Variants in OPA1 observed in about 807,000 individuals in gnomAD.
OPA1 encodes the protein dynamin-like GTPase OPA1, mitochondrial.
A neutral mutation model predicts 152.9 loss-of-function variants in OPA1; 59 were observed. That is an observed-to-expected ratio of 0.39 (90% CI 0.31 to 0.48). OPA1 has a LOEUF of 0.48. OPA1 is among the 20% of genes least tolerant of loss of function. OPA1 has a pLI of 0.96. For missense variants in OPA1, 1,008 were observed against 1,216.8 expected (o/e 0.83, Z 2.55); for synonymous variants, 400 against 389.9 (o/e 1.03, Z -0.31).
Position 193,692,566 on chromosome 3 carries a change from CTT to C in OPA1, c.*5+437_*5+438del, listed in dbSNP as rs546106450. 4.5e-3 allele frequency among the ~76,000 whole-genome samples: 683 copies of C among 152,232 alleles called. 1 individual carries two copies. The highest frequency in any genetic ancestry group is 6.3e-3 in the Non-Finnish European group (425 of 67,994). On this transcript the variant is annotated intron_variant, in intron 30 of 30. Coordinates refer to ENST00000361510, the MANE Select transcript of OPA1 (RefSeq NM_130837.3). ...TAATAATTGTTCTTAATCCTTATCT[CTT>C]TTGTTTAAAAACATTTAGATAAGTG... is the stretch of plus-strand genomic sequence containing the variant.
chr3:193,640,221 T>C (rs1733560714), intron 11 of OPA1, among the ~76,000 whole-genome samples: 1 of 152,018 alleles, frequency 6.6e-6, no homozygotes, highest in African/African-American at 2.4e-5. Flanking sequence ...TGAGTAGAGA[T>C]AGAGAAAACA....
In OPA1 at chr3:193,611,865, A is replaced by G. The variant is rs185101344; in HGVS notation, c.33-2858A>G. The stretch of plus-strand genomic sequence containing the variant: ...CTTTTCTTTTTTTTTTGCTTACAAG[A>G]TTGTATGATGGACCAATTTTTTGTG... On this transcript the variant is annotated intron_variant, in intron 1 of 30. Coordinates refer to ENST00000361510, the MANE Select transcript of OPA1 (RefSeq NM_130837.3). 4.2e-3 allele frequency among the ~76,000 whole-genome samples: 639 copies of G among 151,098 alleles called. 1 individual carries two copies. The highest frequency in any genetic ancestry group is 6.7e-3 in the Non-Finnish European group (453 of 67,834).
Position 193,657,250 on chromosome 3 carries a change from TG to T in OPA1, c.2331+22del. On this transcript the variant is annotated intron_variant, in intron 23 of 30. Coordinates refer to ENST00000361510, the MANE Select transcript of OPA1 (RefSeq NM_130837.3). ...ACAGCTTGGTATGTTGTTTGTATAC[TG>T]GGGTATCAGCCTCATATTTTTATAT... The T allele has an allele frequency of 6.2e-7, 1 of 1,612,922 alleles. No individual in the cohort carries two copies. Among genetic ancestry groups the T allele is most frequent in the South Asian group, 1.1e-5 (1 of 91,002 alleles).
intron 29 of OPA1, among the ~76,000 whole-genome samples, chr3:193,679,531 G>T (rs1318875832): frequency 1.3e-5 from 2 of 152,098 alleles, no homozygotes; most frequent in Non-Finnish European, 2.9e-5. Flanking sequence ...TGACATAAAT[G>T]GTTAAGCCCA....
chr3:193,639,335 GT>G (rs781547168), intron 11 of OPA1, among the ~76,000 whole-genome samples: 2 of 152,214 alleles, frequency 1.3e-5, no homozygotes, highest in Non-Finnish European at 2.9e-5. Flanking sequence ...AGGCAATAGT[GT>G]TGTACAACAA....
At chr3:193,661,401 A>G (rs1180612245) in intron 25 of OPA1, among the ~76,000 whole-genome samples, 1 of 152,176 alleles carries the variant, frequency 6.6e-6, no homozygotes, top group Admixed American at 6.5e-5. Flanking sequence ...CATTGAGTCA[A>G]GCTCTCCTTC....
At position 193,688,719 on chromosome 3, in the gene OPA1, C is replaced by T. The variant is rs538203625; in HGVS notation, c.2984-3344C>T. Reference sequence around the variant, plus strand: ...AGCAGACTGGGTGTAGTAGCTCACGCCCTGTAATTCCAGCAGTTTGTGAAG... The same window carrying T: ...AGCAGACTGGGTGTAGTAGCTCACGTCCTGTAATTCCAGCAGTTTGTGAAG... On this transcript the variant is annotated intron_variant, in intron 29 of 30. Coordinates refer to ENST00000361510, the MANE Select transcript of OPA1 (RefSeq NM_130837.3). 9.9e-5 allele frequency among the ~76,000 whole-genome samples: 15 copies of T among 152,066 alleles called. No individual in the cohort carries two copies. The East Asian group carries it at 2.7e-3, about 27-fold the overall frequency.
intron 25 of OPA1, among the ~76,000 whole-genome samples, chr3:193,661,473 A>G (rs1715251225): frequency 2.0e-5 from 3 of 152,164 alleles, no homozygotes; most frequent in Non-Finnish European, 4.4e-5. Context: ...TCATACCTGG[A>G]GGTTACAGTG....
At chr3:193,659,035 T>TG (rs769232513) in intron 24 of OPA1, 40 bp downstream of exon 24, 38 of 1,359,112 alleles carry the variant, frequency 2.8e-5, no homozygotes, top group Non-Finnish European at 3.8e-5. Flanking sequence ...GAGTTCACAG[T>TG]GGTGAAGGAG....
intron 1 of OPA1, among the ~76,000 whole-genome samples, chr3:193,607,328 T>C (rs972351099): frequency 7.2e-5 from 11 of 152,382 alleles, no homozygotes; most frequent in Admixed American, 2.6e-4. Context: ...GTTTTAGACA[T>C]GAAGTCCTTG....
intron 29 of OPA1, chr3:193,668,949 C>A: frequency 1.2e-6 from 1 of 822,112 alleles, no homozygotes; most frequent in Non-Finnish European, 1.5e-6. Flanking sequence ...TTGAGCCTGC[C>A]TTGTTACAAG....
Position 193,617,165 on chromosome 3 carries a change from T to C in OPA1, c.449-13T>C, listed in dbSNP as rs1047141823. The C allele has an allele frequency of 2.0e-6, 3 of 1,476,354 alleles. No individual in the cohort carries two copies. Among genetic ancestry groups the C allele is most frequent in the Non-Finnish European group, 2.8e-6 (3 of 1,054,834 alleles). The allele number at this position is 1,476,354 out of a possible 1,614,324, so 91.5% of individuals were successfully genotyped here. ...TCTTAGTTTCATACTCTATATGTTTTGATCTTTTCCAGAGAAAATTAGAAA... is the reference window on the plus strand; with the variant it reads ...TCTTAGTTTCATACTCTATATGTTTCGATCTTTTCCAGAGAAAATTAGAAA... On this transcript the variant is annotated splice_polypyrimidine_tract_variant and intron_variant, in intron 3 of 30. Coordinates refer to ENST00000361510, the MANE Select transcript of OPA1 (RefSeq NM_130837.3).
intron 1 of OPA1, among the ~76,000 whole-genome samples, chr3:193,607,825 G>A (rs1355642131): frequency 2.6e-5 from 4 of 152,154 alleles, no homozygotes; most frequent in Non-Finnish European, 4.4e-5. Flanking sequence ...GATGGGGATG[G>A]CATTGAATCT....
rs528286668 is a variant in OPA1, at chr3:193,674,870, G to A, written c.2983+7590G>A. ...TTGGAACTGAAAAGTGTAGAAAGGG[G>A]AAGTGATGTGTTTAAAACTGTTTGC... On this transcript the variant is annotated intron_variant, in intron 29 of 30. Transcript: ENST00000361510. Among the ~76,000 whole-genome samples, 22 of 152,274 alleles carry A rather than the reference G, an allele frequency of 1.4e-4. No homozygotes were observed. In the Middle Eastern group the frequency reaches 0.02, roughly 141 times the overall value.
At chr3:193,654,818 A>G in intron 21 of OPA1, 44 bp from the exon 22 acceptor site, 1 of 1,586,236 alleles carries the variant, frequency 6.3e-7, no homozygotes, top group Non-Finnish European at 8.6e-7. Context: ...TTTAAAAACA[A>G]TATTATATTT....
intron 11 of OPA1, among the ~76,000 whole-genome samples, chr3:193,640,404 A>C (rs925560813): frequency 2.0e-5 from 3 of 152,220 alleles, no homozygotes; most frequent in Non-Finnish European, 4.4e-5. Context: ...GGGAGTGCTC[A>C]GTGAGGTCAC....
intron 21 of OPA1, among the ~76,000 whole-genome samples, chr3:193,653,830 A>G (rs892569285): frequency 6.6e-6 from 1 of 152,214 alleles, no homozygotes; most frequent in African/African-American, 2.4e-5. Flanking sequence ...TAGTCATTAG[A>G]GAAATACAAC....
At chr3:193,666,485 A>G in intron 28 of OPA1, 96 bp downstream of exon 28, 1 of 1,031,794 alleles carries the variant, frequency 9.7e-7, no homozygotes, top group South Asian at 1.3e-5. Context: ...ACTTCCCAAA[A>G]GTAGATTTAT....
At chr3:193,616,892 T>C (rs2108875678) in intron 3 of OPA1, among the ~76,000 whole-genome samples, 1 of 152,348 alleles carries the variant, frequency 6.6e-6, no homozygotes, top group East Asian at 1.9e-4. Flanking sequence ...TTCAAATTGT[T>C]CTTCTAATAT....
Sources: allele counts gnomAD v4.1 joint callset (sites outside exome capture counted in the v4.1 genomes callset), GRCh38; gene constraint gnomAD v4.1.1; transcripts MANE v1.5; gene names NCBI Gene and HGNC (gene_info 2026-07-23, HGNC 2026-07-21).